Variants in CPA6 observed in about 807,000 individuals in gnomAD.
CPA6 encodes carboxypeptidase B.
In CPA6, 58 loss-of-function variants were observed where a neutral mutation model predicts 63.3. The observed-to-expected ratio is 0.92, with a 90% CI of 0.74 to 1.14. The LOEUF is 1.14. CPA6 is among the 50% of genes most tolerant of loss of function. The pLI is 0.00. For synonymous variants in CPA6, 185 were observed against 179.0 expected (o/e 1.03, Z -0.27); for missense variants, 565 against 526.6 (o/e 1.07, Z -0.71).
chr8:67,602,736 C>T (rs565933171), intron 2 of CPA6, among the ~76,000 whole-genome samples: 30 of 152,272 alleles, frequency 2.0e-4, no homozygotes, highest in African/African-American at 6.5e-4. Context: ...GTCAGGTTAG[C>T]GCCTCGACCG....
At chr8:67,730,022 G>T (rs1447934571) in intron 1 of CPA6, among the ~76,000 whole-genome samples, 1 of 152,222 alleles carries the variant, frequency 6.6e-6, no homozygotes, top group Non-Finnish European at 1.5e-5. Flanking sequence ...AGCAGATGTA[G>T]GGCGGGGGAG....
At chr8:67,684,001 G>A (rs867187100) in intron 1 of CPA6, among the ~76,000 whole-genome samples, 1 of 116,976 alleles carries the variant, frequency 8.5e-6, no homozygotes, top group Non-Finnish European at 1.7e-5. Context: ...ATTTTAAAAT[G>A]TATATATATA....
chr8:67,710,879 A>G (rs1471564345), intron 1 of CPA6, among the ~76,000 whole-genome samples: 1 of 152,224 alleles, frequency 6.6e-6, no homozygotes, highest in Non-Finnish European at 1.5e-5. Context: ...AAAATGTAAA[A>G]TAGTCACATA....
chr8:67,648,258 G>GTTTTTTTTT (rs4009129), intron 1 of CPA6, among the ~76,000 whole-genome samples: 6 of 113,902 alleles, frequency 5.3e-5, no homozygotes, highest in African/African-American at 1.0e-4. Flanking sequence ...CCTAGATTAG[G>GTTTTTTTTT]TTTTTTTTTT....
chr8:67,682,901 G>C (rs1816626747), intron 1 of CPA6, among the ~76,000 whole-genome samples: 1 of 152,212 alleles, frequency 6.6e-6, no homozygotes, highest in African/African-American at 2.4e-5. Context: ...TCTTGCTGCA[G>C]GTTTGGGTTC....
chr8:67,479,511 A>T (rs1811312942), intron 8 of CPA6, among the ~76,000 whole-genome samples: 2 of 152,192 alleles, frequency 1.3e-5, no homozygotes, highest in African/African-American at 2.4e-5. Context: ...ATTTTCAGCA[A>T]AACTTCAGAG....
intron 8 of CPA6, among the ~76,000 whole-genome samples, chr8:67,436,756 A>G (rs926782700): frequency 2.0e-5 from 3 of 152,226 alleles, no homozygotes; most frequent in Non-Finnish European, 4.4e-5. Flanking sequence ...ACAATCACAA[A>G]GTATTATGGT....
intron 1 of CPA6, among the ~76,000 whole-genome samples, chr8:67,738,895 C>T (rs1817863260): frequency 6.6e-6 from 1 of 152,122 alleles, no homozygotes; most frequent in Admixed American, 6.6e-5. Context: ...AAACAAGTCA[C>T]CAAAAACATT....
chr8:67,733,012 C>G (rs542702001), intron 1 of CPA6, among the ~76,000 whole-genome samples: 9 of 151,672 alleles, frequency 5.9e-5, no homozygotes, highest in African/African-American at 2.2e-4. Context: ...CCGGCTAACA[C>G]GGTGAAACCC....
chr8:67,530,007 C>T (rs918496602), intron 2 of CPA6, among the ~76,000 whole-genome samples: 1 of 152,012 alleles, frequency 6.6e-6, no homozygotes, highest in Admixed American at 6.6e-5. Context: ...TGCCAGAGAG[C>T]AGAAGATGAT....
At chr8:67,587,052 A>C (rs1486871949) in intron 2 of CPA6, among the ~76,000 whole-genome samples, 2 of 152,258 alleles carry the variant, frequency 1.3e-5, no homozygotes, top group African/African-American at 4.8e-5. Context: ...CGCAGGCAGC[A>C]AATACTAGGA....
At chr8:67,522,503 C>T (rs181375207) in intron 2 of CPA6, among the ~76,000 whole-genome samples, 11 of 152,274 alleles carry the variant, frequency 7.2e-5, no homozygotes, top group East Asian at 1.9e-4. Flanking sequence ...CCCCGTTCAC[C>T]GAGTTGCAGG....
At chr8:67,721,612 G>T (rs952515491) in intron 1 of CPA6, among the ~76,000 whole-genome samples, 1 of 152,146 alleles carries the variant, frequency 6.6e-6, no homozygotes, top group Non-Finnish European at 1.5e-5. Flanking sequence ...GCAGATGAAC[G>T]ATAGAGGTGC....
chr8:67,644,014 A>G (rs1420832212), intron 1 of CPA6, among the ~76,000 whole-genome samples: 1 of 152,234 alleles, frequency 6.6e-6, no homozygotes, highest in African/African-American at 2.4e-5. Flanking sequence ...CAATGGAGAA[A>G]AAGAGACATC....
chr8:67,607,265 T>TC (rs1814690794), intron 2 of CPA6, among the ~76,000 whole-genome samples: 1 of 145,500 alleles, frequency 6.9e-6, no homozygotes, highest in Non-Finnish European at 1.5e-5. Flanking sequence ...CTCCTCCTCC[T>TC]TTCTTCTTTC....
chr8:67,737,170 C>T (rs1817828343), intron 1 of CPA6, among the ~76,000 whole-genome samples: 1 of 152,138 alleles, frequency 6.6e-6, no homozygotes, highest in Non-Finnish European at 1.5e-5. Flanking sequence ...GTTATGGGAC[C>T]TCACCTACCT....
chr8:67,609,062 T>C (rs1814738119), intron 2 of CPA6, among the ~76,000 whole-genome samples: 1 of 152,242 alleles, frequency 6.6e-6, no homozygotes, highest in African/African-American at 2.4e-5. Context: ...CACTCTATGG[T>C]ATCTGTTCAT....
chr8:67,633,325 A>G lies in CPA6; in HGVS notation c.117-9074T>C, dbSNP rs148943494. On this transcript the variant is annotated intron_variant, in intron 1 of 10. Coordinates refer to ENST00000297770, the MANE Select transcript of CPA6 (RefSeq NM_020361.5). Reference sequence around the variant, plus strand: ...ACATAATATATGTGAATTTATTCTTATAATTTTTATTTTTTGTTTGTTGTA... The same window carrying G: ...ACATAATATATGTGAATTTATTCTTGTAATTTTTATTTTTTGTTTGTTGTA... Among the ~76,000 whole-genome samples the G allele has an allele frequency of 8.6e-3, 1,312 of 152,176 alleles. 17 individuals carry two copies. Among genetic ancestry groups the G allele is most frequent in the African/African-American group, 0.03 (1,239 of 41,508 alleles).
intron 8 of CPA6, among the ~76,000 whole-genome samples, chr8:67,471,498 C>T (rs939676199): frequency 6.6e-6 from 1 of 151,838 alleles, no homozygotes; most frequent in African/African-American, 2.4e-5. Flanking sequence ...AAAAATACTC[C>T]TAACATTAGT....
Sources: allele counts gnomAD v4.1 joint callset (sites outside exome capture counted in the v4.1 genomes callset), GRCh38; gene constraint gnomAD v4.1.1; transcripts MANE v1.5; gene names NCBI Gene and HGNC (gene_info 2026-07-23, HGNC 2026-07-21).